PDE1C: variants seen among roughly 807,000 people sequenced by gnomAD.
PDE1C encodes the protein phosphodiesterase 1C, also known as dual specificity calcium/calmodulin-dependent 3',5'-cyclic nucleotide phosphodiesterase 1C.
Under a neutral mutation model 93.1 loss-of-function variants are expected in PDE1C, and 62 were observed. That is an observed-to-expected ratio of 0.67 (90% CI 0.54 to 0.82). The LOEUF is 0.82. PDE1C is among the 40% of genes least tolerant of loss of function. The pLI, the probability that PDE1C is intolerant of heterozygous loss-of-function variation, is 0.00. For missense variants in PDE1C, 742 were observed against 884.6 expected (o/e 0.84, Z 2.04); for synonymous variants, 325 against 310.1 (o/e 1.05, Z -0.50).
chr7:31,707,272 A>C, the PDE1C span: 1 of 1,613,710 alleles, frequency 6.2e-7, no homozygotes. Context: ...TGGTGACAAG[A>C]TAGCTATTTA....
chr7:31,800,608 C>A (rs1388552190), intron 16 of PDE1C, among the ~76,000 whole-genome samples: 1 of 151,398 alleles, frequency 6.6e-6, no homozygotes, highest in Non-Finnish European at 1.5e-5. Context: ...TGTGTTGATG[C>A]CAATACCATG....
At chr7:31,927,204 A>C (rs1191973745) in intron 2 of PDE1C, among the ~76,000 whole-genome samples, 1 of 152,094 alleles carries the variant, frequency 6.6e-6, no homozygotes, top group Non-Finnish European at 1.5e-5. Flanking sequence ...TGTGGAACTC[A>C]CCGCAGTGTG....
At chr7:32,018,079 C>A (rs1788151265) in intron 2 of PDE1C, among the ~76,000 whole-genome samples, 2 of 150,700 alleles carry the variant, frequency 1.3e-5, no homozygotes, top group African/African-American at 4.9e-5. Flanking sequence ...AAAGTGAGAC[C>A]CTGTCTAAAA....
chr7:32,263,710 T>C (rs1455621091), intron 1 of PDE1C, among the ~76,000 whole-genome samples: 2 of 152,198 alleles, frequency 1.3e-5, no homozygotes, highest in African/African-American at 4.8e-5. Context: ...AACAGCCTAT[T>C]CTTGTCTTTT....
intron 2 of PDE1C, among the ~76,000 whole-genome samples, chr7:31,940,380 A>G (rs1424042571): frequency 1.3e-5 from 2 of 152,162 alleles, no homozygotes; most frequent in African/African-American, 2.4e-5. Context: ...TCAAGACTTG[A>G]GTCTGTTTTC....
chr7:31,758,264 G>A (rs1483693686), intron 17 of PDE1C, among the ~76,000 whole-genome samples: 1 of 151,980 alleles, frequency 6.6e-6, no homozygotes, highest in Non-Finnish European at 1.5e-5. Context: ...CCTGCACGTT[G>A]TGCACATGTA....
chr7:32,017,563 A>G (rs1012401493), intron 2 of PDE1C, among the ~76,000 whole-genome samples: 2 of 152,204 alleles, frequency 1.3e-5, no homozygotes, highest in Admixed American at 6.5e-5. Context: ...AAAAAGAAAA[A>G]GCACACAGAA....
chr7:32,323,760 C>T (rs1231935966), intron 1 of PDE1C, among the ~76,000 whole-genome samples: 1 of 152,172 alleles, frequency 6.6e-6, no homozygotes, highest in African/African-American at 2.4e-5. Context: ...CAATTAGGAC[C>T]TGAGGATGAA....
intron 2 of PDE1C, among the ~76,000 whole-genome samples, chr7:31,935,263 A>G (rs1804879886): frequency 6.6e-6 from 1 of 152,158 alleles, no homozygotes; most frequent in Non-Finnish European, 1.5e-5. Context: ...TTCAACTGAA[A>G]TCAGTGCTTT....
chr7:32,401,933 C>T (rs183348), intron 1 of PDE1C, among the ~76,000 whole-genome samples: 143,253 of 152,246 alleles, frequency 0.94, 67,849 homozygotes, highest in East Asian at 1. Flanking sequence ...TTTGAGCATA[C>T]AGATTATACT....
At chr7:32,414,577 T>A (rs1785235391) in intron 1 of PDE1C, among the ~76,000 whole-genome samples, 1 of 152,210 alleles carries the variant, frequency 6.6e-6, no homozygotes, top group South Asian at 2.1e-4. Flanking sequence ...CATTTTCAAC[T>A]CATTCTGACA....
intron 1 of PDE1C, among the ~76,000 whole-genome samples, chr7:32,409,986 G>C (rs1785132473): frequency 6.6e-6 from 1 of 151,762 alleles, no homozygotes; most frequent in African/African-American, 2.4e-5. Flanking sequence ...AGGAGTAATA[G>C]GAATGTAATT....
chr7:31,926,691 G>C (rs1803431491), intron 2 of PDE1C, among the ~76,000 whole-genome samples: 1 of 152,160 alleles, frequency 6.6e-6, no homozygotes, highest in Non-Finnish European at 1.5e-5. Flanking sequence ...CAAGGAGTCA[G>C]GGAACTCCCT....
chr7:32,130,524 T>C (rs1296353988), intron 3 of PDE1C, among the ~76,000 whole-genome samples: 1 of 152,136 alleles, frequency 6.6e-6, no homozygotes, highest in Non-Finnish European at 1.5e-5. Flanking sequence ...ATGATCATTA[T>C]TTGTATGTGT....
chr7:31,801,275 G>T (rs538829299), intron 16 of PDE1C, among the ~76,000 whole-genome samples: 1 of 151,192 alleles, frequency 6.6e-6, no homozygotes, highest in Non-Finnish European at 1.5e-5. Context: ...TAAAAAATGA[G>T]AGTGATAACA....
the PDE1C span, among the ~76,000 whole-genome samples, chr7:31,670,778 T>C: frequency 2.0e-5 from 3 of 152,046 alleles, no homozygotes; most frequent in Non-Finnish European, 4.4e-5. Context: ...ATTTTCCCAC[T>C]TGAATGTTGC....
intron 1 of PDE1C, among the ~76,000 whole-genome samples, chr7:32,330,899 G>C (rs1035325126): frequency 3.7e-4 from 57 of 152,166 alleles, no homozygotes; most frequent in African/African-American, 1.4e-3. Flanking sequence ...ACTCCACAAG[G>C]CCATCGGTCC....
Position 31,767,961 on chromosome 7 carries a change from G to A in PDE1C, c.1960+7703C>T, listed in dbSNP as rs538920245. The stretch of plus-strand genomic sequence containing the variant: ...CCAAACATCATCACATTGTGTGGGG[G>A]TTCAGTCAGGATGGTGGGAAAAATT... On this transcript the variant is annotated intron_variant, in intron 17 of 17. Coordinates refer to ENST00000396191, the MANE Select transcript of PDE1C (RefSeq NM_001191057.4). Among the ~76,000 whole-genome samples the A allele has an allele frequency of 9.2e-5, 14 of 152,310 alleles. No individual in the cohort carries two copies. The South Asian group carries it at 2.9e-3, about 32-fold the overall frequency.
chr7:31,924,322 A>G (rs1052221782), intron 2 of PDE1C, among the ~76,000 whole-genome samples: 1 of 152,136 alleles, frequency 6.6e-6, no homozygotes, highest in Non-Finnish European at 1.5e-5. Context: ...CTATTCTCCC[A>G]AATGATGGGT....
Sources: gnomAD v4.1 joint callset for allele counts (sites outside exome capture counted in the v4.1 genomes callset) on GRCh38, gnomAD v4.1.1 for gene constraint, MANE v1.5 for transcripts, NCBI Gene and HGNC (gene_info 2026-07-23, HGNC 2026-07-21) for gene names.